Variants in AKAP6 observed in about 807,000 individuals in gnomAD.
The protein encoded by AKAP6 is A-kinase anchoring protein 6, also known as A-kinase anchor protein 6.
AKAP6 carries 58 observed loss-of-function variants against 188.5 expected under a neutral mutation model. The observed-to-expected ratio is 0.31, with a 90% CI of 0.25 to 0.38. The LOEUF (loss-of-function observed/expected upper bound fraction) is 0.38. Among genes scored for constraint, AKAP6 ranks in the 10% least tolerant of loss-of-function variants. The pLI is 1.00. For missense variants in AKAP6, 2,710 were observed against 2,740.0 expected, an observed-to-expected ratio of 0.99 and a Z score of 0.24; for synonymous variants, 989 against 998.6, an observed-to-expected ratio of 0.99 and a Z score of 0.18.
rs530904864 is a variant in AKAP6 at position 32,743,355 on chromosome 14, C to T, written c.3372+7473C>T. On this transcript the variant is annotated intron_variant, in intron 11 of 13. Coordinates refer to ENST00000280979, the MANE Select transcript of AKAP6 (RefSeq NM_004274.5). Reference sequence around the variant, plus strand: ...TGTCTTTTTATTGGAGAATTTAGTCCGTTACATTCAGCATTATTATTGATA... The same window carrying T: ...TGTCTTTTTATTGGAGAATTTAGTCTGTTACATTCAGCATTATTATTGATA... Among the ~76,000 whole-genome samples the T allele has an allele frequency of 5.1e-4, 77 of 152,152 alleles. No individual in the cohort carries two copies. In the Middle Eastern group the frequency reaches 0.01, roughly 20 times the overall value.
At chr14:32,623,163 G>A (rs1341290775) in intron 7 of AKAP6, among the ~76,000 whole-genome samples, 2 of 152,250 alleles carry the variant, frequency 1.3e-5, no homozygotes, top group African/African-American at 4.8e-5. Flanking sequence ...AAACCCTAAG[G>A]TGATGAGATC....
rs747060350 is a variant in AKAP6 at position 32,678,407 on chromosome 14, C to T, written c.2827C>T (p.Arg943Ter). The change falls in exon 8 of 14, where the codon CGA (arginine) becomes TGA (stop). Residue 943 changes from arginine (R) to a stop codon, truncating the protein, a stop_gained. Coordinates refer to ENST00000280979, the MANE Select transcript of AKAP6 (RefSeq NM_004274.5). LOFTEE classifies it high-confidence loss of function. ...YSEQYTSSSK[R>*]KEEFADMSKV... ...CGAGCAGTATACCAGCAGCAGCAAG[C>T]GAAAGGAAGAGTTTGCTGATATGTC... The T allele has an allele frequency of 1.2e-6, 2 of 1,613,788 alleles. No homozygotes were observed. The highest frequency in any genetic ancestry group is 1.7e-6 in the Non-Finnish European group (2 of 1,179,852).
At position 32,662,251 on chromosome 14, in the gene AKAP6, C is replaced by G. The variant is rs141239375; in HGVS notation, c.2731-16060C>G. Among the ~76,000 whole-genome samples, 508 of 152,112 alleles carry G rather than the reference C, an allele frequency of 3.3e-3. 2 individuals carry two copies. Among genetic ancestry groups the G allele is most frequent in the African/African-American group, 0.011 (463 of 41,516 alleles). On this transcript the variant is annotated intron_variant, in intron 7 of 13. Transcript: ENST00000280979. ...AGAGGTTCATTTTGGGCATGGGATT[C>G]TGACTAACAGTAGAATGTTTGTCAT...
At chr14:32,457,665 AG>A (rs1195037584) in intron 2 of AKAP6, among the ~76,000 whole-genome samples, 1 of 152,168 alleles carries the variant, frequency 6.6e-6, no homozygotes, top group Non-Finnish European at 1.5e-5. Context: ...ATCCTGATAG[AG>A]TTCAGGCGCC....
At chr14:32,611,232 C>T (rs1185620560) in intron 7 of AKAP6, among the ~76,000 whole-genome samples, 1 of 152,050 alleles carries the variant, frequency 6.6e-6, no homozygotes, top group Admixed American at 6.6e-5. Context: ...TGAGGTTGGA[C>T]ACATTATGAT....
intron 2 of AKAP6, among the ~76,000 whole-genome samples, chr14:32,439,862 T>C (rs1890512571): frequency 6.6e-6 from 1 of 152,180 alleles, no homozygotes; most frequent in South Asian, 2.1e-4. Context: ...ATTTATACCA[T>C]CTTTGAGTGG....
intron 1 of AKAP6, among the ~76,000 whole-genome samples, chr14:32,391,316 T>C (rs976597722): frequency 3.9e-5 from 6 of 152,294 alleles, no homozygotes; most frequent in Middle Eastern, 3.4e-3. Flanking sequence ...TTTTCTCTGA[T>C]GTCTTGGTCT....
chr14:32,345,595 T>C (rs7151141), intron 1 of AKAP6, among the ~76,000 whole-genome samples: 9,102 of 152,238 alleles, frequency 0.06, 349 homozygotes, highest in South Asian at 0.13. Flanking sequence ...AAGCGGTTCC[T>C]AGAGAGAAAG....
At chr14:32,675,492 C>G (rs538651491) in intron 7 of AKAP6, among the ~76,000 whole-genome samples, 2 of 152,260 alleles carry the variant, frequency 1.3e-5, no homozygotes, top group East Asian at 3.9e-4. Context: ...TCAACTCTTT[C>G]TCTTAAAAAT....
At chr14:32,352,331 C>T (rs941194065) in intron 1 of AKAP6, among the ~76,000 whole-genome samples, 9 of 151,394 alleles carry the variant, frequency 5.9e-5, no homozygotes, top group African/African-American at 9.7e-5. Flanking sequence ...GTGATGTTTC[C>T]GTACAAGTAT....
At chr14:32,504,656 G>C (rs1008329744) in intron 2 of AKAP6, among the ~76,000 whole-genome samples, 1 of 152,098 alleles carries the variant, frequency 6.6e-6, no homozygotes, top group Non-Finnish European at 1.5e-5. Context: ...CAATTATTGA[G>C]TTTTCCCAAA....
chr14:32,582,860 C>T (rs918716383), intron 5 of AKAP6, among the ~76,000 whole-genome samples: 28 of 152,222 alleles, frequency 1.8e-4, no homozygotes, highest in Admixed American at 9.2e-4. Context: ...AAGCACTTCT[C>T]TGTATTGGTT....
chr14:32,690,359 C>T (rs1288486866), intron 8 of AKAP6, among the ~76,000 whole-genome samples: 3 of 152,098 alleles, frequency 2.0e-5, no homozygotes, highest in African/African-American at 7.2e-5. Context: ...TAATGATGCT[C>T]ACTTTAAATA....
At chr14:32,410,351 C>T (rs1889441070) in intron 1 of AKAP6, among the ~76,000 whole-genome samples, 1 of 152,154 alleles carries the variant, frequency 6.6e-6, no homozygotes. Context: ...TTTAGATAAA[C>T]TTAACCCATT....
intron 2 of AKAP6, among the ~76,000 whole-genome samples, chr14:32,534,130 T>C (rs997309166): frequency 2.0e-5 from 3 of 152,314 alleles, no homozygotes; most frequent in Admixed American, 2.0e-4. Context: ...ATACAGATTA[T>C]ATATTTTCAT....
chr14:32,801,512 C>G (rs1033402848), intron 12 of AKAP6, among the ~76,000 whole-genome samples: 7 of 152,152 alleles, frequency 4.6e-5, no homozygotes, highest in African/African-American at 1.7e-4. Context: ...GTTGTTACTA[C>G]TGTTAATTTA....
At chr14:32,626,440 C>T (rs1887026601) in intron 7 of AKAP6, among the ~76,000 whole-genome samples, 1 of 152,070 alleles carries the variant, frequency 6.6e-6, no homozygotes. Flanking sequence ...CAAACTCCAG[C>T]TCAGAAGCCT....
At position 32,387,941 on chromosome 14, in the gene AKAP6, T is replaced by C. The variant is rs1195023745; in HGVS notation, c.-34-45519T>C. Among the ~76,000 whole-genome samples the C allele has an allele frequency of 2.6e-5, 4 of 152,048 alleles. No homozygotes were observed. In the East Asian group the frequency reaches 5.8e-4, roughly 22 times the overall value. Reference sequence around the variant, plus strand: ...GGATTGGTACCAGTTCTTCTTTGAATGTCTGGTAGAATTCTGCTGTGAATC... The same window carrying C: ...GGATTGGTACCAGTTCTTCTTTGAACGTCTGGTAGAATTCTGCTGTGAATC... On this transcript the variant is annotated intron_variant, in intron 1 of 13. Coordinates refer to ENST00000280979, the MANE Select transcript of AKAP6 (RefSeq NM_004274.5).
intron 8 of AKAP6, among the ~76,000 whole-genome samples, chr14:32,689,904 G>C (rs1890098365): frequency 6.6e-6 from 1 of 152,022 alleles, no homozygotes; most frequent in Non-Finnish European, 1.5e-5. Flanking sequence ...CGAACACTTA[G>C]TGAATATTTG....
Sources: gnomAD v4.1 joint callset for allele counts (sites outside exome capture counted in the v4.1 genomes callset) on GRCh38, gnomAD v4.1.1 for gene constraint, MANE v1.5 for transcripts, NCBI Gene and HGNC (gene_info 2026-07-23, HGNC 2026-07-21) for gene names.